Variants in SNX25 observed in about 807,000 individuals in gnomAD.
The protein encoded by SNX25 is sorting nexin 25.
A neutral mutation model predicts 113.7 loss-of-function variants in SNX25; 62 were observed. The observed-to-expected ratio is 0.55, with a 90% CI of 0.44 to 0.67. SNX25 has a LOEUF of 0.67. Ranked by LOEUF, SNX25 falls within the 30% of genes least tolerant of loss-of-function variation. The pLI is 0.00. For missense variants in SNX25, 1,014 were observed against 1,161.0 expected (o/e 0.87, Z 1.84); for synonymous variants, 421 against 436.2 (o/e 0.97, Z 0.43).
intron 1 of SNX25, among the ~76,000 whole-genome samples, chr4:185,236,735 C>T (rs2126433377): frequency 6.6e-6 from 1 of 152,184 alleles, no homozygotes; most frequent in Admixed American, 6.5e-5. Context: ...GAAAAAGTTA[C>T]CAATAATTTA....
intron 1 of SNX25, among the ~76,000 whole-genome samples, chr4:185,243,656 A>G (rs1461644396): frequency 1.3e-5 from 2 of 151,938 alleles, no homozygotes; most frequent in Non-Finnish European, 2.9e-5. Flanking sequence ...TTAACTCACC[A>G]TTCTCCCCTT....
intron 1 of SNX25, among the ~76,000 whole-genome samples, chr4:185,240,692 G>A (rs573988700): frequency 1.1e-4 from 17 of 151,424 alleles, no homozygotes; most frequent in African/African-American, 2.7e-4. Flanking sequence ...GCTGCCGGGC[G>A]GGGGGCTGAC....
At chr4:185,266,326 GA>G (rs777281696) in intron 4 of SNX25, among the ~76,000 whole-genome samples, 1 of 152,054 alleles carries the variant, frequency 6.6e-6, no homozygotes, top group Admixed American at 6.6e-5. Flanking sequence ...ATAAGTAAAA[GA>G]AAAAAATCAG....
chr4:185,343,489 T>C (rs1398357381), intron 12 of SNX25, among the ~76,000 whole-genome samples: 1 of 152,226 alleles, frequency 6.6e-6, no homozygotes, highest in Non-Finnish European at 1.5e-5. Flanking sequence ...TTAAAATGTT[T>C]GAAAGCCACT....
chr4:185,220,630 A>G (rs1370289674), intron 1 of SNX25, among the ~76,000 whole-genome samples: 1 of 151,534 alleles, frequency 6.6e-6, no homozygotes, highest in Non-Finnish European at 1.5e-5. Context: ...AAGGGTGCCC[A>G]CCACCACGCC....
intron 5 of SNX25, among the ~76,000 whole-genome samples, chr4:185,279,701 A>G (rs955491927): frequency 6.6e-6 from 1 of 152,240 alleles, no homozygotes; most frequent in Non-Finnish European, 1.5e-5. Context: ...GCAAGGGTGT[A>G]GGAAAATAGA....
At chr4:185,214,164 C>G (rs537338570) in intron 1 of SNX25, among the ~76,000 whole-genome samples, 2 of 152,138 alleles carry the variant, frequency 1.3e-5, no homozygotes, top group South Asian at 4.2e-4. Context: ...TACCCGCTAA[C>G]ATGCCCAGCC....
At chr4:185,305,443 C>T (rs561733023) in intron 6 of SNX25, among the ~76,000 whole-genome samples, 100 of 152,218 alleles carry the variant, frequency 6.6e-4, no homozygotes, top group African/African-American at 2.3e-3. Context: ...CACAGTGGTG[C>T]CATTTTAATC....
intron 1 of SNX25, among the ~76,000 whole-genome samples, chr4:185,228,503 G>C (rs372673675): frequency 3.5e-5 from 3 of 85,414 alleles, no homozygotes; most frequent in African/African-American, 1.2e-4. Flanking sequence ...CTGATAGTGA[G>C]AACTATGATA....
chr4:185,225,055 T>C (rs1221903536), intron 1 of SNX25, among the ~76,000 whole-genome samples: 1 of 152,020 alleles, frequency 6.6e-6, no homozygotes, highest in African/African-American at 2.4e-5. Context: ...AAAAAATACA[T>C]ATGAGATCTA....
intron 2 of SNX25, among the ~76,000 whole-genome samples, chr4:185,252,904 CTGTTT>C (rs1159369677): frequency 6.6e-6 from 1 of 152,190 alleles, no homozygotes; most frequent in African/African-American, 2.4e-5. Flanking sequence ...TATGACTGCT[CTGTTT>C]TGTTAGCCAG....
intron 4 of SNX25, among the ~76,000 whole-genome samples, chr4:185,266,310 T>C (rs955136526): frequency 6.6e-6 from 1 of 152,170 alleles, no homozygotes; most frequent in Admixed American, 6.6e-5. Flanking sequence ...TATTGAGCCT[T>C]ATAAAATAAG....
At chr4:185,368,517 A>G (rs2095400493), downstream of SNX25, among the ~76,000 whole-genome samples, 1 of 152,170 alleles carries the variant, frequency 6.6e-6, no homozygotes, top group South Asian at 2.1e-4. Context: ...TCCAGTGAAC[A>G]CCGCTGTCGG....
At chr4:185,268,449 T>G (rs145369623) in intron 5 of SNX25, among the ~76,000 whole-genome samples, 21 of 152,300 alleles carry the variant, frequency 1.4e-4, no homozygotes, top group Admixed American at 1.2e-3. Flanking sequence ...TTTAGTATGA[T>G]TATATAGTAT....
At chr4:185,243,614 C>T (rs956712274) in intron 1 of SNX25, among the ~76,000 whole-genome samples, 1 of 151,848 alleles carries the variant, frequency 6.6e-6, no homozygotes, top group South Asian at 2.1e-4. Flanking sequence ...AACAAAAAAA[C>T]CCCCAAACTG....
intron 1 of SNX25, among the ~76,000 whole-genome samples, chr4:185,223,494 A>G (rs183791097): frequency 3.4e-4 from 52 of 152,260 alleles, no homozygotes; most frequent in South Asian, 2.1e-4. Context: ...AACTTTGGCT[A>G]GTGGTGTGCT....
intron 7 of SNX25, among the ~76,000 whole-genome samples, chr4:185,314,268 C>T (rs1446593116): frequency 2.1e-5 from 3 of 142,252 alleles, no homozygotes; most frequent in Non-Finnish European, 4.5e-5. Context: ...ACAGGAGGAT[C>T]GCTTGAGGCC....
In SNX25 at chr4:185,232,310, C is replaced by T. The variant is rs776245454; in HGVS notation, c.430-14984C>T. On this transcript the variant is annotated intron_variant, in intron 1 of 18. Transcript: ENST00000652585. The surrounding 1 kb of genome is among the most constrained non-coding windows in gnomAD (Gnocchi z 4.4). ...TAGTACTACGGGGTTACAATCTTCC[C>T]GGACATCGCCTAAGTTTTATTATCC... 3.3e-5 allele frequency among the ~76,000 whole-genome samples: 5 copies of T among 152,126 alleles called. No homozygotes were observed. The highest frequency in any genetic ancestry group is 1.3e-4 in the Admixed American group (2 of 15,264).
chr4:185,304,672 A>G (rs531491663), intron 6 of SNX25, among the ~76,000 whole-genome samples: 2 of 152,142 alleles, frequency 1.3e-5, no homozygotes, highest in East Asian at 1.9e-4. Flanking sequence ...TTTTTTTTAT[A>G]GAGACAGAGT....
Sources: gnomAD v4.1 joint callset for allele counts (sites outside exome capture counted in the v4.1 genomes callset) on GRCh38, gnomAD v4.1.1 for gene constraint, Gnocchi (gnomAD v3.1) non-coding constraint, MANE v1.5 for transcripts, NCBI Gene and HGNC (gene_info 2026-07-23, HGNC 2026-07-21) for gene names.